The following PANK1 variants were observed in gnomAD, a reference collection of about 807,000 sequenced individuals.
The protein encoded by PANK1 is pantothenate kinase 1.
A neutral mutation model predicts 40.1 loss-of-function variants in PANK1; 18 were observed. That is an observed-to-expected ratio of 0.45 (90% CI 0.31 to 0.67). The LOEUF (loss-of-function observed/expected upper bound fraction) is 0.67. PANK1 is among the 30% of genes least tolerant of loss of function. The pLI, the probability that PANK1 is intolerant of heterozygous loss-of-function variation, is 0.06. For synonymous variants in PANK1, 242 were observed against 237.7 expected (o/e 1.02, Z -0.17); for missense variants, 457 against 599.6 (o/e 0.76, Z 2.48).
In PANK1 at chr10:89,599,441, A is replaced by G; in HGVS notation, c.710T>C (p.Val237Ala). ...LDCLIQGLLY[V>A]DSVGFNGKPE... The stretch of plus-strand genomic sequence containing the variant: ...CTTGCCGTTGAAGCCAACAGAGTCG[A>G]CATAAAGCAGGCCCTGAATCAGACA... The change falls in exon 3 of 7, where the codon GTC becomes GCC. Residue 237 changes from valine (V) to alanine (A), a missense_variant. Around this residue, in one of 4 missense-constraint regions of PANK1, gnomAD observed 286 missense variants for 415.8 expected, o/e 0.69. Transcript: ENST00000307534. 6.2e-7 allele frequency: 1 copy of G among 1,613,802 alleles called. No individual in the cohort carries two copies. Among genetic ancestry groups the G allele is most frequent in the Non-Finnish European group, 8.5e-7 (1 of 1,179,644 alleles).
intron 6 of PANK1, among the ~76,000 whole-genome samples, chr10:89,586,618 C>T (rs539335571): frequency 4.0e-4 from 61 of 152,274 alleles, no homozygotes; most frequent in Non-Finnish European, 5.3e-4. Context: ...ATAAATAGCT[C>T]AGCTTAAAAA....
At chr10:89,582,670 T>C (rs1239552578), downstream of PANK1, 1 of 152,220 alleles carries the variant, frequency 6.6e-6, no homozygotes. Flanking sequence ...TGAATTTTTT[T>C]AAAGCCAGAT....
downstream of PANK1, chr10:89,579,671 A>G (rs539275622): frequency 4.6e-5 from 7 of 152,332 alleles, no homozygotes; most frequent in African/African-American, 1.4e-4. Flanking sequence ...TGACTTAATC[A>G]TACTTGCATT....
At chr10:89,631,663 C>G (rs759111851) in intron 1 of PANK1, among the ~76,000 whole-genome samples, 2 of 152,216 alleles carry the variant, frequency 1.3e-5, no homozygotes, top group Non-Finnish European at 2.9e-5. Flanking sequence ...TCCAGTGATA[C>G]TGGGTGATTC....
intron 1 of PANK1, among the ~76,000 whole-genome samples, chr10:89,627,285 C>T (rs189216089): frequency 2.2e-3 from 340 of 151,154 alleles, no homozygotes; most frequent in African/African-American, 7.8e-3. Context: ...AAATTTGCCA[C>T]GTGCTGGTGC....
chr10:89,607,574 T>C (rs1845006263), intron 2 of PANK1, among the ~76,000 whole-genome samples: 1 of 152,178 alleles, frequency 6.6e-6, no homozygotes, highest in Non-Finnish European at 1.5e-5. Flanking sequence ...CTTCAATCTG[T>C]AAAAAATGCA....
At chr10:89,588,629 A>T in intron 6 of PANK1, 23 bp downstream of exon 6, 1 of 1,568,498 alleles carries the variant, frequency 6.4e-7, no homozygotes, top group South Asian at 1.2e-5. Flanking sequence ...ATATGACAGT[A>T]AGTCTATGCA....
intron 3 of PANK1, 29 bp downstream of exon 3, chr10:89,599,223 G>A: frequency 6.3e-7 from 1 of 1,598,416 alleles, no homozygotes; most frequent in Non-Finnish European, 8.5e-7. Flanking sequence ...AAGAGGTCTG[G>A]GTTCAAGCAC....
intron 3 of PANK1, among the ~76,000 whole-genome samples, chr10:89,598,900 G>A (rs1256460537): frequency 1.3e-5 from 2 of 152,174 alleles, no homozygotes; most frequent in African/African-American, 4.8e-5. Flanking sequence ...CCAAAAGAAG[G>A]TTCCTTCTGA....
intron 2 of PANK1, among the ~76,000 whole-genome samples, chr10:89,602,251 C>T (rs909501961): frequency 1.3e-5 from 2 of 152,144 alleles, no homozygotes; most frequent in Non-Finnish European, 2.9e-5. Context: ...AATCTACGTA[C>T]GTACTAGAAA....
intron 1 of PANK1, among the ~76,000 whole-genome samples, chr10:89,622,415 A>C (rs1172833586): frequency 6.6e-6 from 1 of 152,194 alleles, no homozygotes; most frequent in Non-Finnish European, 1.5e-5. Context: ...AAACTGGTAT[A>C]ATCTTTCTAT....
chr10:89,637,045 A>C (rs1375589047), intron 1 of PANK1, among the ~76,000 whole-genome samples: 1 of 150,484 alleles, frequency 6.6e-6, no homozygotes, highest in Non-Finnish European at 1.5e-5. Context: ...TTTTTAGTAG[A>C]GACGGGGTTC....
Position 89,595,822 on chromosome 10 carries a change from AAAAAAAAAAAAAT to A in PANK1, c.900-1846_900-1834del, listed in dbSNP as rs1320118997. ...ACAGAGCCGGACTCCATCTTAAAAAAAAAAAAAAAAAATATATATATATATATATATATATATA... is the reference window on the plus strand; with the variant it reads ...ACAGAGCCGGACTCCATCTTAAAAAAATATATATATATATATATATATATA... On this transcript the variant is annotated intron_variant, in intron 3 of 6. Transcript: ENST00000307534. Among the ~76,000 whole-genome samples the A allele has an allele frequency of 6.7e-5, 3 of 44,658 alleles. No homozygotes were observed. In the Admixed American group the frequency reaches 8.9e-4, roughly 13 times the overall value. 29.3% of individuals were successfully genotyped at this position (44,658 alleles called of 152,430 possible).
Position 89,645,065 on chromosome 10 carries a change from C to T in PANK1, c.-174G>A, listed in dbSNP as rs1364724849. On this transcript the variant is annotated 5_prime_UTR_variant, in exon 1 of 7. Coordinates refer to ENST00000307534, the MANE Select transcript of PANK1 (RefSeq NM_148977.3). ...TCCTCCCCTCCTCCTGCCGACTCCC[C>T]CACCTCCTCTGCGCCCTGCCCCCCG... The T allele has an allele frequency of 1.9e-6, 3 of 1,556,332 alleles. No individual in the cohort carries two copies. Among genetic ancestry groups the T allele is most frequent in the Admixed American group, 1.9e-5 (1 of 52,150 alleles).
intron 2 of PANK1, among the ~76,000 whole-genome samples, chr10:89,600,705 T>C (rs963372499): frequency 9.9e-5 from 15 of 152,108 alleles, no homozygotes; most frequent in African/African-American, 2.9e-4. Context: ...TGGTAGCCAT[T>C]TTGCCTTCTC....
Position 89,593,847 on chromosome 10 carries a change from G to T in PANK1, c.1042C>A (p.Arg348=). 1.9e-6 allele frequency: 3 copies of T among 1,613,846 alleles called. No individual in the cohort carries two copies. Among genetic ancestry groups the T allele is most frequent in the Non-Finnish European group, 2.5e-6 (3 of 1,179,790 alleles). Residue 348 remains arginine, a synonymous_variant, in exon 4 of 7, where the codon CGA becomes AGA. Coordinates refer to ENST00000307534, the MANE Select transcript of PANK1 (RefSeq NM_148977.3). ...ACAGCAGATCCTTGAAGGCCAAATC[G>T]TTCATAGTCTCCTCCGTAAATGTCC... is the stretch of plus-strand genomic sequence containing the variant. ...VKDIYGGDYE[R]FGLQGSAVAS...
chr10:89,635,530 C>T (rs1180663155), intron 1 of PANK1, among the ~76,000 whole-genome samples: 5 of 152,210 alleles, frequency 3.3e-5, no homozygotes, highest in African/African-American at 1.2e-4. Flanking sequence ...ATTTTCAACA[C>T]GTGCTTTCTG....
At chr10:89,619,640 G>C (rs1395125715) in intron 1 of PANK1, among the ~76,000 whole-genome samples, 1 of 152,198 alleles carries the variant, frequency 6.6e-6, no homozygotes, top group Non-Finnish European at 1.5e-5. Context: ...CTCAAGATGA[G>C]CTTCTGTGGG....
At chr10:89,603,202 C>G (rs564126433) in intron 2 of PANK1, among the ~76,000 whole-genome samples, 1 of 152,136 alleles carries the variant, frequency 6.6e-6, no homozygotes, top group Non-Finnish European at 1.5e-5. Context: ...TAATTTCCAT[C>G]GTATAATCAC....
Sources: allele counts gnomAD v4.1 joint callset (sites outside exome capture counted in the v4.1 genomes callset), GRCh38; gene constraint gnomAD v4.1.1; regional missense constraint gnomAD v4.1.1; transcripts MANE v1.5; gene names NCBI Gene and HGNC (gene_info 2026-07-23, HGNC 2026-07-21).